Variants in IMMP2L observed in about 807,000 individuals in gnomAD.
The protein encoded by IMMP2L is mitochondrial inner membrane protease subunit 2.
Under a neutral mutation model 19.3 loss-of-function variants are expected in IMMP2L, and 18 were observed. The observed-to-expected ratio is 0.93, with a 90% CI of 0.64 to 1.38. The LOEUF (loss-of-function observed/expected upper bound fraction) is 1.38. Ranked by LOEUF, IMMP2L falls within the 40% of genes most tolerant of loss-of-function variation. The probability of loss-of-function intolerance (pLI) is 0.00; values close to 1 mark genes in which losing one functional copy is unlikely to be tolerated. For synonymous variants in IMMP2L, 76 were observed against 73.0 expected (o/e 1.04, Z -0.21); for missense variants, 233 against 218.2 (o/e 1.07, Z -0.43).
intron 3 of IMMP2L, among the ~76,000 whole-genome samples, chr7:111,112,017 G>A (rs1448115904): frequency 2.2e-5 from 3 of 136,452 alleles, no homozygotes; most frequent in East Asian, 2.2e-4. Context: ...GTGCGATCTC[G>A]GCTCACTGCA....
chr7:110,881,057 T>A (rs762544979), intron 5 of IMMP2L, among the ~76,000 whole-genome samples: 1 of 152,120 alleles, frequency 6.6e-6, no homozygotes, highest in East Asian at 1.9e-4. Context: ...GCTCTCTTTT[T>A]AAAATCATAT....
At chr7:110,909,904 G>C (rs1392089872) in intron 4 of IMMP2L, among the ~76,000 whole-genome samples, 2 of 149,798 alleles carry the variant, frequency 1.3e-5, no homozygotes, top group South Asian at 2.1e-4. Flanking sequence ...GAGAGAGAGA[G>C]AGAAAGAGAG....
chr7:110,931,608 C>T (rs975814778), intron 4 of IMMP2L, among the ~76,000 whole-genome samples: 4 of 152,264 alleles, frequency 2.6e-5, no homozygotes, highest in South Asian at 2.1e-4. Flanking sequence ...TCCATTCTAT[C>T]TCCCTGGCCC....
At chr7:111,119,507 T>C (rs1800323167) in intron 3 of IMMP2L, among the ~76,000 whole-genome samples, 1 of 152,188 alleles carries the variant, frequency 6.6e-6, no homozygotes, top group Non-Finnish European at 1.5e-5. Context: ...GATTAACTTT[T>C]CTCTTAAAGT....
chr7:111,333,777 T>G (rs1184663018), intron 3 of IMMP2L, among the ~76,000 whole-genome samples: 1 of 152,164 alleles, frequency 6.6e-6, no homozygotes, highest in Non-Finnish European at 1.5e-5. Context: ...GGGTCCTTCC[T>G]GCCCTTGAAC....
intron 3 of IMMP2L, among the ~76,000 whole-genome samples, chr7:111,415,641 G>T (rs1240619583): frequency 6.6e-6 from 1 of 151,656 alleles, no homozygotes; most frequent in African/African-American, 2.4e-5. Flanking sequence ...CATATAGTTG[G>T]CATTTGATAT....
At chr7:111,512,613 T>C (rs1052040834) in intron 2 of IMMP2L, among the ~76,000 whole-genome samples, 1 of 152,024 alleles carries the variant, frequency 6.6e-6, no homozygotes, top group African/African-American at 2.4e-5. Flanking sequence ...AACACAATCC[T>C]AAATTCATAT....
chr7:111,504,837 A>T (rs1174225434), intron 2 of IMMP2L, among the ~76,000 whole-genome samples: 2 of 152,116 alleles, frequency 1.3e-5, no homozygotes, highest in African/African-American at 4.8e-5. Context: ...TGGATTAAAG[A>T]CTTACATGTT....
At chr7:111,225,035 T>G (rs1812929724) in intron 3 of IMMP2L, among the ~76,000 whole-genome samples, 1 of 152,156 alleles carries the variant, frequency 6.6e-6, no homozygotes, top group Non-Finnish European at 1.5e-5. Flanking sequence ...ACAGCACTCC[T>G]GGTTGTTTCC....
At chr7:111,537,027 CT>C (rs1847948722) in intron 1 of IMMP2L, among the ~76,000 whole-genome samples, 1 of 152,098 alleles carries the variant, frequency 6.6e-6, no homozygotes, top group Non-Finnish European at 1.5e-5. Context: ...AACATCTCTT[CT>C]TTTGGTATTT....
intron 3 of IMMP2L, among the ~76,000 whole-genome samples, chr7:111,096,387 C>A (rs1311762706): frequency 6.6e-6 from 1 of 151,772 alleles, no homozygotes; most frequent in Non-Finnish European, 1.5e-5. Flanking sequence ...CACTCTAGAT[C>A]TTACCCTTCC....
At chr7:111,560,303 T>C (rs139127165) in intron 1 of IMMP2L, among the ~76,000 whole-genome samples, 229 of 152,316 alleles carry the variant, frequency 1.5e-3, no homozygotes, top group African/African-American at 4.5e-3. Context: ...TTAGATCTTT[T>C]AAATGAGGCT....
At chr7:110,806,801 G>A (rs1283380621) in intron 5 of IMMP2L, among the ~76,000 whole-genome samples, 1 of 151,834 alleles carries the variant, frequency 6.6e-6, no homozygotes, top group African/African-American at 2.4e-5. Flanking sequence ...GTCAGAAAAG[G>A]TGATATGAAA....
chr7:110,718,687 G>C (rs1247984940), intron 5 of IMMP2L, among the ~76,000 whole-genome samples: 1 of 152,060 alleles, frequency 6.6e-6, no homozygotes, highest in Non-Finnish European at 1.5e-5. Context: ...GAATCAGAGG[G>C]ACAAAAGGAG....
At chr7:110,976,360 C>A (rs1820699875) in intron 3 of IMMP2L, among the ~76,000 whole-genome samples, 1 of 151,844 alleles carries the variant, frequency 6.6e-6, no homozygotes, top group African/African-American at 2.4e-5. Context: ...TCCTTTTGTG[C>A]CTGGCTTATT....
intron 3 of IMMP2L, among the ~76,000 whole-genome samples, chr7:110,978,887 A>T (rs1016172671): frequency 2.6e-5 from 4 of 152,084 alleles, no homozygotes; most frequent in Admixed American, 2.0e-4. Context: ...AAATGGAAAA[A>T]GCTACAATCC....
intron 3 of IMMP2L, among the ~76,000 whole-genome samples, chr7:111,302,818 G>A (rs11765194): frequency 0.068 from 10,297 of 152,016 alleles, 410 homozygotes; most frequent in Middle Eastern, 0.099. Flanking sequence ...ATAAGGAAAG[G>A]GTATGACATA....
At chr7:111,541,977 G>A (rs922592362) in intron 1 of IMMP2L, among the ~76,000 whole-genome samples, 1 of 152,058 alleles carries the variant, frequency 6.6e-6, no homozygotes, top group Non-Finnish European at 1.5e-5. Flanking sequence ...AAAAATAAAA[G>A]TGAGACGTAG....
intron 3 of IMMP2L, among the ~76,000 whole-genome samples, chr7:111,404,655 G>C (rs1464018010): frequency 1.3e-5 from 2 of 151,928 alleles, no homozygotes; most frequent in South Asian, 4.2e-4. Flanking sequence ...ATTTGGAAAG[G>C]AATCACTTCA....
Sources: gnomAD v4.1 joint callset for allele counts (sites outside exome capture counted in the v4.1 genomes callset) on GRCh38, gnomAD v4.1.1 for gene constraint, MANE v1.5 for transcripts, NCBI Gene and HGNC (gene_info 2026-07-23, HGNC 2026-07-21) for gene names.